Variants in SPDYA observed in about 807,000 individuals in gnomAD.
SPDYA encodes speedy/RINGO cell cycle regulator family member A.
SPDYA carries 11 observed loss-of-function variants against 36.7 expected under a neutral mutation model. The observed-to-expected ratio is 0.30, with a 90% confidence interval of 0.19 to 0.50. The LOEUF is 0.50. Ranked by LOEUF, SPDYA falls within the 20% of genes least tolerant of loss-of-function variation. SPDYA has a pLI of 0.98. For missense variants in SPDYA, 287 were observed against 370.9 expected, an observed-to-expected ratio of 0.77 and a Z score of 1.86; for synonymous variants, 115 against 118.7, an observed-to-expected ratio of 0.97 and a Z score of 0.20.
intron 5 of SPDYA, among the ~76,000 whole-genome samples, chr2:28,825,814 T>C (rs1391655022): frequency 1.3e-5 from 2 of 152,232 alleles, no homozygotes; most frequent in East Asian, 3.9e-4. Context: ...CTTGGCTCAC[T>C]GCAACCTCTA....
At chr2:28,815,951 T>G in intron 2 of SPDYA, 46 bp from the exon 3 acceptor site, 1 of 1,272,350 alleles carries the variant, frequency 7.9e-7, no homozygotes, top group African/African-American at 1.5e-5. Context: ...TGTTTATATA[T>G]GAAATGAATG....
intron 6 of SPDYA, among the ~76,000 whole-genome samples, chr2:28,834,689 T>C (rs1668551682): frequency 6.6e-6 from 1 of 152,126 alleles, no homozygotes; most frequent in Admixed American, 6.5e-5. Flanking sequence ...AGACAGAAAG[T>C]AGATTAGTAG....
In SPDYA at chr2:28,850,460, TC is replaced by T; in HGVS notation, c.*520del. 8.3e-7 allele frequency: 1 copy of T among 1,198,148 alleles called. No homozygotes were observed. 74.2% of individuals were successfully genotyped at this position (1,198,148 alleles called of 1,614,324 possible). ...CTACATAAAATATTTTCTATTTTTT[TC>T]ACAAAACTGTTAAAATATGAGTTAC... On this transcript the variant is annotated 3_prime_UTR_variant, in exon 8 of 8. Transcript: ENST00000334056.
chr2:28,823,737 ATATATAT>A (rs1229034578), intron 5 of SPDYA, among the ~76,000 whole-genome samples: 46 of 78,074 alleles, frequency 5.9e-4, no homozygotes, highest in African/African-American at 1.5e-3. Context: ...ATATATATAT[ATATATAT>A]AAAATTTTTT....
chr2:28,816,058 C>T lies in SPDYA; in HGVS notation c.44C>T (p.Thr15Ile). Residue 15 changes from threonine (T) to isoleucine (I), a missense_variant, in exon 3 of 8, where the codon ACT becomes ATT. Physicochemically the swap from Thr to Ile is moderately conservative, Grantham distance 89. Coordinates refer to ENST00000334056, the MANE Select transcript of SPDYA (RefSeq NM_182756.4). Reference protein sequence around the residue: ...QMCCETPPTVTVYVKSGSNRS... With the variant: ...QMCCETPPTVIVYVKSGSNRS... ...TGTTGTGAGACACCACCTACTGTCA[C>T]TGTTTATGTAAAATCAGGGTCAAAT... The T allele has an allele frequency of 4.3e-6, 7 of 1,613,860 alleles. No individual in the cohort carries two copies. Among genetic ancestry groups the T allele is most frequent in the Non-Finnish European group, 5.9e-6 (7 of 1,179,956 alleles).
At chr2:28,847,039 T>C (rs1197852048) in intron 7 of SPDYA, among the ~76,000 whole-genome samples, 1 of 152,178 alleles carries the variant, frequency 6.6e-6, no homozygotes, top group Non-Finnish European at 1.5e-5. Flanking sequence ...TATTCCATGA[T>C]GGAATTAAAA....
intron 6 of SPDYA, among the ~76,000 whole-genome samples, chr2:28,839,724 G>C (rs1406878184): frequency 6.6e-6 from 1 of 152,118 alleles, no homozygotes; most frequent in East Asian, 1.9e-4. Context: ...GGATGGTCTT[G>C]ATCTCCTGAC....
chr2:28,829,016 G>C (rs1668408091), intron 5 of SPDYA, 132 bp from the exon 6 acceptor site: 2 of 677,058 alleles, frequency 3.0e-6, no homozygotes, highest in African/African-American at 3.7e-5. Context: ...CTCTATTTTT[G>C]AACTGCATTT....
At chr2:28,838,156 C>T (rs1572512021) in intron 6 of SPDYA, among the ~76,000 whole-genome samples, 1 of 148,928 alleles carries the variant, frequency 6.7e-6, no homozygotes, top group African/African-American at 2.5e-5. Context: ...GTGTAATTTG[C>T]CCAAGGTCAT....
At chr2:28,846,128 G>C (rs753030256) in intron 7 of SPDYA, among the ~76,000 whole-genome samples, 1 of 152,066 alleles carries the variant, frequency 6.6e-6, no homozygotes, top group Non-Finnish European at 1.5e-5. Context: ...CCCTTGGCTG[G>C]GCATGGTGGC....
intron 3 of SPDYA, among the ~76,000 whole-genome samples, chr2:28,818,765 C>T (rs1668057786): frequency 6.6e-6 from 1 of 152,132 alleles, no homozygotes; most frequent in Non-Finnish European, 1.5e-5. Flanking sequence ...ACTAAAAATA[C>T]TGTTGGATAT....
At chr2:28,842,493 T>G (rs781563990) in intron 7 of SPDYA, among the ~76,000 whole-genome samples, 24 of 152,028 alleles carry the variant, frequency 1.6e-4, no homozygotes, top group Non-Finnish European at 2.9e-4. Context: ...GGAGAAAAAA[T>G]AAAGGTCTTT....
rs574183377 is a variant in SPDYA at position 28,823,966 on chromosome 2, C to T, written c.380+1556C>T. The stretch of plus-strand genomic sequence containing the variant: ...TTTACCACGTTGGCCAGGCTGGTCT[C>T]GAACTCCTGACCTCAAGTGATCCGC... On this transcript the variant is annotated intron_variant, in intron 5 of 7. Transcript: ENST00000334056. Among the ~76,000 whole-genome samples, 82 of 150,222 alleles carry T rather than the reference C, an allele frequency of 5.5e-4. 1 individual carries two copies. The highest frequency in any genetic ancestry group is 1.9e-3 in the African/African-American group (80 of 41,040).
intron 4 of SPDYA, 79 bp from the exon 5 acceptor site, chr2:28,822,246 T>A: frequency 1.7e-6 from 1 of 600,492 alleles, no homozygotes; most frequent in Non-Finnish European, 2.8e-6. Flanking sequence ...ATCAGAAAAT[T>A]TTAAAGTTAA....
At chr2:28,815,935 G>A in intron 2 of SPDYA, 62 bp from the exon 3 acceptor site, 2 of 1,084,354 alleles carry the variant, frequency 1.8e-6, no homozygotes, top group South Asian at 3.0e-5. Flanking sequence ...GTATCATCCA[G>A]TTAGTTGTTT....
intron 6 of SPDYA, among the ~76,000 whole-genome samples, chr2:28,839,410 A>C (rs1401558326): frequency 6.6e-6 from 1 of 152,160 alleles, no homozygotes; most frequent in African/African-American, 2.4e-5. Flanking sequence ...TAAATAACTT[A>C]CCTATGTTCT....
intron 6 of SPDYA, among the ~76,000 whole-genome samples, chr2:28,836,745 A>AAT (rs1668615498): frequency 6.6e-6 from 1 of 152,164 alleles, no homozygotes; most frequent in South Asian, 2.1e-4. Context: ...TAAATTGGAA[A>AAT]ATATATATAG....
At chr2:28,839,232 C>G (rs1382274308) in intron 6 of SPDYA, among the ~76,000 whole-genome samples, 1 of 152,100 alleles carries the variant, frequency 6.6e-6, no homozygotes, top group Non-Finnish European at 1.5e-5. Context: ...GGGTAAGAAA[C>G]CAAGTGTACC....
chr2:28,831,759 CAGT>C (rs769802964), intron 6 of SPDYA, among the ~76,000 whole-genome samples: 3 of 152,172 alleles, frequency 2.0e-5, no homozygotes, highest in Non-Finnish European at 2.9e-5. Context: ...AAAAGAGAAG[CAGT>C]AGAACAGACT....
Sources: allele counts gnomAD v4.1 joint callset (sites outside exome capture counted in the v4.1 genomes callset), GRCh38; gene constraint gnomAD v4.1.1; transcripts MANE v1.5; gene names NCBI Gene and HGNC (gene_info 2026-07-23, HGNC 2026-07-21).